TCIRG1: variants seen among roughly 807,000 people sequenced by gnomAD.
TCIRG1 encodes the protein V-type proton ATPase 116 kDa subunit a 3.
In TCIRG1, 86 loss-of-function variants were observed where a neutral mutation model predicts 95.5. The observed-to-expected ratio is 0.90, with a 90% CI of 0.76 to 1.08. The LOEUF is 1.08. Ranked by LOEUF, TCIRG1 falls within the 50% of genes least tolerant of loss-of-function variation. TCIRG1 has a pLI of 0.00. For missense variants in TCIRG1, 1,069 were observed against 1,140.2 expected (o/e 0.94, Z 0.90); for synonymous variants, 499 against 501.3 (o/e 1.00, Z 0.06).
At chr11:68,051,038 G>C, downstream of TCIRG1, 1 of 612,446 alleles carries the variant, frequency 1.6e-6, no homozygotes, top group South Asian at 1.9e-5. Context: ...GTGAAAAGGG[G>C]CAGAAAAGGG....
In TCIRG1 at chr11:68,047,495, G is replaced by A. The variant is rs775902505; in HGVS notation, c.1228G>A (p.Gly410Arg). Residue 410 changes from glycine (G) to arginine (R), a missense_variant, in exon 11 of 20, where the codon GGG (glycine) becomes AGG (arginine). Coordinates refer to ENST00000265686, the MANE Select transcript of TCIRG1 (RefSeq NM_006019.4). Reference sequence around the variant, plus strand: ...TGTGATGTTCGGGGATGTGGGCCACGGGCTGCTCATGTTCCTGTTCGCCCT... The same window carrying A: ...TGTGATGTTCGGGGATGTGGGCCACAGGCTGCTCATGTTCCTGTTCGCCCT... ...FAVMFGDVGH[G>R]LLMFLFALAM... is the part of the protein sequence containing the mutation. The A allele has an allele frequency of 3.7e-6, 6 of 1,614,042 alleles. No homozygotes were observed. Among genetic ancestry groups the A allele is most frequent in the East Asian group, 2.2e-5 (1 of 44,874 alleles).
At chr11:68,045,425 C>T (rs2134446521) in intron 10 of TCIRG1, among the ~76,000 whole-genome samples, 1 of 152,390 alleles carries the variant, frequency 6.6e-6, no homozygotes, top group African/African-American at 2.4e-5. Context: ...TTCTCTGAGC[C>T]TCAGCTGCCT....
At position 68,047,990 on chromosome 11, in the gene TCIRG1, G is replaced by A; in HGVS notation, c.1554+18G>A. ...TCGATCCTGTGAGTCCTGGGATGGA[G>A]TGTCCGTGGGTGGTGAAGGCAGCTG... On this transcript the variant is annotated intron_variant, in intron 13 of 19. Transcript: ENST00000265686. 2 of 1,607,968 alleles carry A rather than the reference G, an allele frequency of 1.2e-6. No individual in the cohort carries two copies. The highest frequency in any genetic ancestry group is 1.7e-6 in the Non-Finnish European group (2 of 1,174,860).
intron 1 of TCIRG1, among the ~76,000 whole-genome samples, chr11:68,040,618 G>A (rs1336868850): frequency 6.6e-6 from 1 of 152,194 alleles, no homozygotes; most frequent in Non-Finnish European, 1.5e-5. Context: ...GCGGGTTGGA[G>A]GTGGCCTGGC....
chr11:68,044,045 C>T, intron 8 of TCIRG1, 87 bp from the exon 9 acceptor site: 2 of 1,367,276 alleles, frequency 1.5e-6, no homozygotes, highest in East Asian at 2.5e-5. Context: ...GCCTGGCCTC[C>T]AGGAGGTGGG....
At chr11:68,039,710 G>T (rs536527173) in intron 1 of TCIRG1, 1 of 152,460 alleles carries the variant, frequency 6.6e-6, no homozygotes, top group East Asian at 1.9e-4. Flanking sequence ...GGGGACAGGG[G>T]TAGGGGGTGA....
Position 68,044,835 on chromosome 11 carries a change from G to A in TCIRG1, c.1021-123G>A, listed in dbSNP as rs573219371. 278 of 1,240,638 alleles carry A rather than the reference G, an allele frequency of 2.2e-4. 4 individuals are homozygous for A. In the South Asian group the frequency reaches 2.5e-3, roughly 11 times the overall value. The allele number at this position is 1,240,638 out of a possible 1,614,324, so 76.9% of individuals were successfully genotyped here. A position where few individuals can be genotyped will look rare whatever the true frequency, so the allele number is the denominator to read the frequency against. On this transcript the variant is annotated intron_variant, in intron 9 of 19. Coordinates refer to ENST00000265686, the MANE Select transcript of TCIRG1 (RefSeq NM_006019.4). The stretch of plus-strand genomic sequence containing the variant: ...GGCTGATCATCTCACGTCAGAGAGA[G>A]GGGAAGGGGCTGCCCAGTGAGCCCC...
At position 68,050,002 on chromosome 11, in the gene TCIRG1, C is replaced by G. The variant is rs769744202; in HGVS notation, c.2054C>G (p.Ser685Cys). The change falls in exon 17 of 20, where the codon TCT (serine) becomes TGT (cysteine). Residue 685 changes from serine to cysteine, a missense_variant. Coordinates refer to ENST00000265686, the MANE Select transcript of TCIRG1 (RefSeq NM_006019.4). ...GGGTTGCTGGACCTGCCTGACGCAT[C>G]TGTGAATGGCTGGAGCTCCGATGAG... ...KAGLLDLPDASVNGWSSDEEK... is the reference protein window; with the variant it reads ...KAGLLDLPDACVNGWSSDEEK... The G allele has an allele frequency of 3.7e-6, 6 of 1,613,094 alleles. No homozygotes were observed. In the African/African-American group the frequency reaches 8.0e-5, roughly 22 times the overall value.
At chr11:68,039,802 C>T (rs1447161380) in intron 1 of TCIRG1, 2 of 152,210 alleles carry the variant, frequency 1.3e-5, no homozygotes, top group African/African-American at 4.8e-5. Context: ...GTTGTTCCCC[C>T]ACCCCCTGGG....
chr11:68,044,225 G>T lies in TCIRG1; in HGVS notation c.901G>T (p.Ala301Ser). ...PGQVQVHKMK[A>S]VYLALNQCSV... ...GCAGGTGCAGGTCCACAAGATGAAG[G>T]CCGTGTACCTGGCCCTGAACCAGTG... The change falls in exon 9 of 20, where the codon GCC becomes TCC. Residue 301 changes from alanine to serine, a missense_variant. By Grantham distance (99) the Ala-to-Ser change is moderately conservative. Coordinates refer to ENST00000265686, the MANE Select transcript of TCIRG1 (RefSeq NM_006019.4). 1.3e-6 allele frequency: 2 copies of T among 1,584,326 alleles called. No individual in the cohort carries two copies. The highest frequency in any genetic ancestry group is 8.6e-7 in the Non-Finnish European group (1 of 1,167,000).
In TCIRG1 at chr11:68,043,857, C is replaced by G; in HGVS notation, c.757C>G (p.Arg253Gly). The change falls in exon 8 of 20, where the codon CGC becomes GGC. Residue 253 changes from arginine to glycine, a missense_variant. Arg to Gly is a moderately radical substitution (Grantham distance 125). Coordinates refer to ENST00000265686, the MANE Select transcript of TCIRG1 (RefSeq NM_006019.4). ...VFPFLQQEEARLGALQQLQQQ... is the reference protein window; with the variant it reads ...VFPFLQQEEAGLGALQQLQQQ... ...CCCGTTTCTGCAGCAGGAGGAGGCC[C>G]GCCTCGGGGCCCTGCAGCAGCTGCA... 1 of 1,569,382 alleles carries G rather than the reference C, an allele frequency of 6.4e-7. No homozygotes were observed. The highest frequency in any genetic ancestry group is 1.2e-5 in the South Asian group (1 of 85,622).
In TCIRG1 at chr11:68,050,582, G is replaced by A. The variant is rs377635476; in HGVS notation, c.2332G>A (p.Ala778Thr). Residue 778 changes from alanine (A) to threonine (T), a missense_variant, in exon 19 of 20, where the codon GCC (alanine) becomes ACC (threonine). Transcript: ENST00000265686. ...VAAVVLVPIF[A>T]AFAVMTVAIL... Reference sequence around the variant, plus strand: ...GGCTGTGGTGCTGGTCCCCATCTTTGCCGCCTTTGCCGTGATGACCGTGGC... The same window carrying A: ...GGCTGTGGTGCTGGTCCCCATCTTTACCGCCTTTGCCGTGATGACCGTGGC... 1.9e-6 allele frequency: 3 copies of A among 1,613,406 alleles called. No individual in the cohort carries two copies. The African/African-American group carries it at 4.0e-5, about 22-fold the overall frequency.
intron 10 of TCIRG1, among the ~76,000 whole-genome samples, chr11:68,045,743 G>A (rs991526597): frequency 2.0e-5 from 3 of 152,144 alleles, no homozygotes; most frequent in African/African-American, 7.2e-5. Context: ...AGTAGAGATG[G>A]GGTTTCACCA....
Position 68,049,075 on chromosome 11 carries a change from C to T in TCIRG1, c.1674-6C>T, listed in dbSNP as rs778714489. The T allele has an allele frequency of 2.5e-5, 41 of 1,613,164 alleles. No individual in the cohort carries two copies. The highest frequency in any genetic ancestry group is 6.7e-5 in the African/African-American group (5 of 74,944). On this transcript the variant is annotated splice_region_variant and splice_polypyrimidine_tract_variant and intron_variant, in intron 14 of 19. Coordinates refer to ENST00000265686, the MANE Select transcript of TCIRG1 (RefSeq NM_006019.4). ...CCAGTGAGCACACCTCCCTCTTGCC[C>T]GCCAGGCACTTTGGCCAGAGGCACC...
intron 1 of TCIRG1, among the ~76,000 whole-genome samples, chr11:68,040,899 T>C (rs1795172748): frequency 6.6e-6 from 1 of 152,136 alleles, no homozygotes; most frequent in African/African-American, 2.4e-5. Flanking sequence ...CCTAAGTGCC[T>C]GGGCCAGTGG....
intron 10 of TCIRG1, among the ~76,000 whole-genome samples, chr11:68,045,853 G>C (rs923063181): frequency 6.6e-6 from 1 of 152,224 alleles, no homozygotes; most frequent in Non-Finnish European, 1.5e-5. Flanking sequence ...GGATGAGGCA[G>C]GGCCCCTCCC....
At chr11:68,046,075 G>A (rs773319505) in intron 10 of TCIRG1, among the ~76,000 whole-genome samples, 6 of 152,238 alleles carry the variant, frequency 3.9e-5, no homozygotes, top group Non-Finnish European at 8.8e-5. Context: ...GCCCGTGGCA[G>A]ATAGAATGCT....
chr11:68,049,727 C>T lies in TCIRG1; in HGVS notation c.1952C>T (p.Thr651Ile). ...LAMVPILLLGTPLHLLHRHRR... is the reference protein window; with the variant it reads ...LAMVPILLLGIPLHLLHRHRR... ...ATGGTGCCCATCCTGCTGCTTGGCA[C>T]ACCCCTGCACCTGCTGCACCGCCAC... Residue 651 changes from threonine (T) to isoleucine (I), a missense_variant, in exon 16 of 20, where the codon ACA becomes ATA. Thr to Ile is a moderately conservative substitution (Grantham distance 89, BLOSUM62 -1). Coordinates refer to ENST00000265686, the MANE Select transcript of TCIRG1 (RefSeq NM_006019.4). 2 of 1,587,630 alleles carry T rather than the reference C, an allele frequency of 1.3e-6. No individual in the cohort carries two copies. The highest frequency in any genetic ancestry group is 2.3e-5 in the East Asian group (1 of 44,134).
chr11:68,053,183 AG>A (rs1180679460), downstream of TCIRG1: 1 of 157,554 alleles, frequency 6.3e-6, no homozygotes, highest in Non-Finnish European at 1.4e-5. Flanking sequence ...AGGGCAGGAG[AG>A]GCCCAAAGAG....
Sources: allele counts gnomAD v4.1 joint callset (sites outside exome capture counted in the v4.1 genomes callset), GRCh38; gene constraint gnomAD v4.1.1; transcripts MANE v1.5; gene names NCBI Gene and HGNC (gene_info 2026-07-23, HGNC 2026-07-21).